FYB1: variants seen among roughly 807,000 people sequenced by gnomAD.
The protein encoded by FYB1 is FYN-binding protein 1.
FYB1 carries 41 observed loss-of-function variants against 94.1 expected under a neutral mutation model. The ratio of observed to expected loss-of-function variants is 0.44; its 90% CI spans 0.34 to 0.57. FYB1 has a LOEUF of 0.57. Among genes scored for constraint, FYB1 ranks in the 20% least tolerant of loss-of-function variants. The pLI, the probability that FYB1 is intolerant of heterozygous loss-of-function variation, is 0.02. For synonymous variants in FYB1, 367 were observed against 353.2 expected, an observed-to-expected ratio of 1.04 and a Z score of -0.44; for missense variants, 1,050 against 976.8, an observed-to-expected ratio of 1.07 and a Z score of -1.00.
At chr5:39,137,821 TGAAGTACAGTTGAA>T (rs761297951) in intron 6 of FYB1, 101 bp from the exon 7 acceptor site, 352 of 1,452,670 alleles carry the variant, frequency 2.4e-4, no homozygotes, top group Non-Finnish European at 3.0e-4. Context: ...AGGTGGTATC[TGAAGTACAGTTGAA>T]GGTAAAAAGC....
chr5:39,167,158 G>T (rs1469245725), intron 2 of FYB1, among the ~76,000 whole-genome samples: 2 of 152,078 alleles, frequency 1.3e-5, no homozygotes, highest in African/African-American at 2.4e-5. Flanking sequence ...AAATATAAAA[G>T]CCACAAAGAA....
upstream of FYB1, among the ~76,000 whole-genome samples, chr5:39,222,389 G>A (rs1010184597): frequency 6.6e-6 from 1 of 152,130 alleles, no homozygotes; most frequent in African/African-American, 2.4e-5. Context: ...TGTATTAGAG[G>A]CCAAGGGCAG....
intron 1 of FYB1, among the ~76,000 whole-genome samples, chr5:39,256,389 G>A (rs2150623699): frequency 1.3e-5 from 2 of 152,300 alleles, no homozygotes; most frequent in Admixed American, 1.3e-4. Context: ...AGAATAGTGA[G>A]AAAAATGAGA....
At chr5:39,187,627 C>A (rs546649988) in intron 2 of FYB1, among the ~76,000 whole-genome samples, 1 of 152,124 alleles carries the variant, frequency 6.6e-6, no homozygotes, top group Non-Finnish European at 1.5e-5. Context: ...TCAGTTTGGG[C>A]AGGTGGGAAG....
At chr5:39,147,826 G>A (rs991481739) in intron 3 of FYB1, among the ~76,000 whole-genome samples, 3 of 150,400 alleles carry the variant, frequency 2.0e-5, no homozygotes, top group Non-Finnish European at 3.0e-5. Flanking sequence ...GACTGCAGGC[G>A]CCCGCCACCA....
chr5:39,167,019 T>A (rs577455325), intron 2 of FYB1, among the ~76,000 whole-genome samples: 3 of 152,074 alleles, frequency 2.0e-5, no homozygotes, highest in African/African-American at 7.2e-5. Context: ...AGATGATAAA[T>A]CAGGTTTTAG....
Position 39,269,897 on chromosome 5 carries a change from G to A in FYB1, c.-28+4506C>T, listed in dbSNP as rs548364187. ...GCATATGAACACCACATATATTTTG[G>A]GAGCCCTCCTTTTTTTTTCCCAAAG... On this transcript the variant is annotated intron_variant, in intron 1 of 1. Transcript: ENST00000510188. 5.9e-5 allele frequency: 9 copies of A among 152,078 alleles called. No homozygotes were observed. In the East Asian group the frequency reaches 1.7e-3, roughly 29 times the overall value. 9.4% of individuals were successfully genotyped at this position (152,078 alleles called of 1,614,324 possible). A position where few individuals can be genotyped will look rare whatever the true frequency, so the allele number is the denominator to read the frequency against.
At chr5:39,234,571 T>TA (rs746518880) in intron 1 of FYB1, among the ~76,000 whole-genome samples, 2 of 152,218 alleles carry the variant, frequency 1.3e-5, no homozygotes, top group Non-Finnish European at 2.9e-5. Context: ...TAAATCATGC[T>TA]ACTATAAAGA....
At chr5:39,243,891 C>A (rs1412017577) in intron 1 of FYB1, among the ~76,000 whole-genome samples, 12 of 152,152 alleles carry the variant, frequency 7.9e-5, no homozygotes, top group Non-Finnish European at 1.6e-4. Flanking sequence ...GTATTTTATT[C>A]TCTTTGAAGC....
At chr5:39,231,647 T>C (rs892788080) in intron 1 of FYB1, among the ~76,000 whole-genome samples, 1 of 152,090 alleles carries the variant, frequency 6.6e-6, no homozygotes, top group Non-Finnish European at 1.5e-5. Flanking sequence ...AGGAGATTAG[T>C]GCAAACAATG....
chr5:39,222,078 A>G (rs563152857), upstream of FYB1, among the ~76,000 whole-genome samples: 1 of 151,908 alleles, frequency 6.6e-6, no homozygotes, highest in Admixed American at 6.5e-5. Context: ...AAAGCAAGCA[A>G]CACGCCCTGT....
intron 1 of FYB1, among the ~76,000 whole-genome samples, chr5:39,267,548 G>T (rs193204448): frequency 4.6e-5 from 7 of 152,290 alleles, no homozygotes; most frequent in Admixed American, 3.9e-4. Flanking sequence ...AAAAAATGGA[G>T]TTTTTTCCTT....
chr5:39,150,161 C>G (rs2657057), intron 3 of FYB1, among the ~76,000 whole-genome samples: 1 of 152,020 alleles, frequency 6.6e-6, no homozygotes, highest in African/African-American at 2.4e-5. Context: ...GAGTCACCCA[C>G]GCTCACCAAA....
intron 10 of FYB1, among the ~76,000 whole-genome samples, chr5:39,130,129 A>G (rs1002999544): frequency 6.6e-6 from 1 of 152,138 alleles, no homozygotes; most frequent in African/African-American, 2.4e-5. Context: ...ACTGGAAGTC[A>G]TATTAAGTGG....
chr5:39,115,098 A>T (rs928273606), intron 16 of FYB1, among the ~76,000 whole-genome samples: 2 of 144,222 alleles, frequency 1.4e-5, no homozygotes, highest in Non-Finnish European at 3.0e-5. Flanking sequence ...GAAACACATA[A>T]TTTTTTTTTT....
intron 1 of FYB1, among the ~76,000 whole-genome samples, chr5:39,218,233 C>T (rs758723982): frequency 4.6e-5 from 7 of 152,306 alleles, no homozygotes; most frequent in Admixed American, 4.6e-4. Context: ...GCCTTAAGTG[C>T]ACCATAACGC....
At chr5:39,262,135 CTT>C (rs1044573431) in intron 1 of FYB1, among the ~76,000 whole-genome samples, 7 of 151,994 alleles carry the variant, frequency 4.6e-5, no homozygotes, top group Non-Finnish European at 8.8e-5. Context: ...ATGATAAAGA[CTT>C]ATTTTAAAAT....
chr5:39,186,235 C>T (rs1746777219), intron 2 of FYB1, among the ~76,000 whole-genome samples: 1 of 152,150 alleles, frequency 6.6e-6, no homozygotes, highest in African/African-American at 2.4e-5. Flanking sequence ...ACCATCTTGG[C>T]CAACATGGTG....
At chr5:39,270,139 G>T (rs1025083185) in intron 1 of FYB1, among the ~76,000 whole-genome samples, 42 of 152,026 alleles carry the variant, frequency 2.8e-4, no homozygotes, top group Admixed American at 2.1e-3. Context: ...AACAAAAGAG[G>T]TCCCTTTGTA....
Sources: allele counts gnomAD v4.1 joint callset (sites outside exome capture counted in the v4.1 genomes callset), GRCh38; gene constraint gnomAD v4.1.1; transcripts MANE v1.5; gene names NCBI Gene and HGNC (gene_info 2026-07-23, HGNC 2026-07-21).